Variants in CALN1 observed in about 807,000 individuals in gnomAD.
CALN1 encodes the protein calcium-binding protein 8.
CALN1 carries 17 observed loss-of-function variants against 30.6 expected under a neutral mutation model. The observed-to-expected ratio is 0.56, with a 90% CI of 0.38 to 0.83. The LOEUF (loss-of-function observed/expected upper bound fraction) is 0.83, where lower values mean the gene tolerates loss of function less well. Among genes scored for constraint, CALN1 ranks in the 40% least tolerant of loss-of-function variants. The probability of loss-of-function intolerance (pLI) is 0.00; values close to 1 mark genes in which losing one functional copy is unlikely to be tolerated. For synonymous variants in CALN1, 156 were observed against 131.4 expected (o/e 1.19, Z -1.28); for missense variants, 291 against 354.9 (o/e 0.82, Z 1.45).
At chr7:72,079,075 G>A (rs887472678) in intron 4 of CALN1, among the ~76,000 whole-genome samples, 2 of 152,146 alleles carry the variant, frequency 1.3e-5, no homozygotes, top group Non-Finnish European at 2.9e-5. Flanking sequence ...AGGTCCTTAC[G>A]AAATGCCAGG....
intron 5 of CALN1, among the ~76,000 whole-genome samples, chr7:71,984,218 G>C (rs1798548105): frequency 6.6e-6 from 1 of 152,094 alleles, no homozygotes; most frequent in Non-Finnish European, 1.5e-5. Context: ...AGAGAGTGAG[G>C]GGGGAACAGG....
chr7:72,072,015 C>T (rs943020008), intron 4 of CALN1, among the ~76,000 whole-genome samples: 4 of 152,062 alleles, frequency 2.6e-5, no homozygotes, highest in Non-Finnish European at 5.9e-5. Context: ...GAAAAGCAAA[C>T]AGAACATAAA....
intron 2 of CALN1, among the ~76,000 whole-genome samples, chr7:72,324,640 T>C (rs532274023): frequency 6.6e-6 from 1 of 152,000 alleles, no homozygotes; most frequent in African/African-American, 2.4e-5. Flanking sequence ...TGGAGCTCAA[T>C]GGGGTAACTT....
chr7:72,131,045 A>G (rs975140014), intron 3 of CALN1, among the ~76,000 whole-genome samples: 1 of 152,166 alleles, frequency 6.6e-6, no homozygotes, highest in African/African-American at 2.4e-5. Flanking sequence ...CTAAGCACCC[A>G]TGGGTCATCA....
At chr7:72,256,907 G>A (rs547555327) in intron 3 of CALN1, among the ~76,000 whole-genome samples, 1 of 152,176 alleles carries the variant, frequency 6.6e-6, no homozygotes, top group Non-Finnish European at 1.5e-5. Flanking sequence ...ACCCTGCCAT[G>A]TGCCAGGCAC....
chr7:72,203,784 C>G (rs10238178), intron 3 of CALN1, among the ~76,000 whole-genome samples: 10 of 152,178 alleles, frequency 6.6e-5, no homozygotes, highest in Non-Finnish European at 8.8e-5. Flanking sequence ...AATTTGAGGT[C>G]TGAATTTTCT....
At chr7:72,123,396 C>A (rs1360031280) in intron 3 of CALN1, among the ~76,000 whole-genome samples, 1 of 152,144 alleles carries the variant, frequency 6.6e-6, no homozygotes, top group Admixed American at 6.6e-5. Context: ...AACAAGAACT[C>A]CTCTTCTGTT....
chr7:72,273,017 T>C (rs112060645), intron 3 of CALN1, among the ~76,000 whole-genome samples: 17 of 150,936 alleles, frequency 1.1e-4, no homozygotes, highest in East Asian at 2.0e-4. Context: ...TTCTGTGGCA[T>C]AGGGCGCAAA....
At chr7:72,462,935 C>A in the CALN1 span, among the ~76,000 whole-genome samples, 1 of 152,184 alleles carries the variant, frequency 6.6e-6, no homozygotes, top group Non-Finnish European at 1.5e-5. Flanking sequence ...CTGCTCAAGT[C>A]CCACATCTTC....
chr7:72,443,156 CAA>C (rs1009468423), intron 1 of CALN1, among the ~76,000 whole-genome samples: 1 of 152,232 alleles, frequency 6.6e-6, no homozygotes, highest in Non-Finnish European at 1.5e-5. Flanking sequence ...GTATTTCTCT[CAA>C]GAGCGTGTGT....
intron 4 of CALN1, among the ~76,000 whole-genome samples, chr7:72,099,036 A>C (rs1806450735): frequency 6.6e-6 from 1 of 152,216 alleles, no homozygotes; most frequent in Non-Finnish European, 1.5e-5. Context: ...TTGCACAGAC[A>C]AACCCAGGCG....
chr7:72,184,760 G>A (rs1442240913), intron 3 of CALN1, among the ~76,000 whole-genome samples: 1 of 151,966 alleles, frequency 6.6e-6, no homozygotes, highest in Non-Finnish European at 1.5e-5. Flanking sequence ...TACTTAGGGA[G>A]GAATCAGCCC....
At chr7:72,055,531 A>C (rs939732399) in intron 4 of CALN1, among the ~76,000 whole-genome samples, 2 of 152,194 alleles carry the variant, frequency 1.3e-5, no homozygotes, top group African/African-American at 4.8e-5. Flanking sequence ...TGAGAAAACT[A>C]TAAAACATAT....
chr7:72,320,972 G>A (rs546760457), intron 2 of CALN1, among the ~76,000 whole-genome samples: 1 of 152,006 alleles, frequency 6.6e-6, no homozygotes, highest in East Asian at 1.9e-4. Flanking sequence ...ACTTCTCTGG[G>A]GTTAGGTGCC....
chr7:72,488,975 C>T, the CALN1 span, among the ~76,000 whole-genome samples: 1 of 152,132 alleles, frequency 6.6e-6, no homozygotes, highest in African/African-American at 2.4e-5. Context: ...ATAGGAGAGC[C>T]TACAGACTCC....
At position 71,881,031 on chromosome 7, in the gene CALN1, C is replaced by T. The variant is rs73185037; in HGVS notation, c.502-70539G>A. ...ACCATCTAATCAGCTACCTGCACAGCCAGAATAAAGCAGGCAGAAGGACAT... is the reference window on the plus strand; with the variant it reads ...ACCATCTAATCAGCTACCTGCACAGTCAGAATAAAGCAGGCAGAAGGACAT... On this transcript the variant is annotated intron_variant, in intron 5 of 6. Coordinates refer to ENST00000395275, the MANE Select transcript of CALN1 (RefSeq NM_031468.4). 4.0e-3 allele frequency among the ~76,000 whole-genome samples: 612 copies of T among 152,324 alleles called. 4 individuals are homozygous for T. Among genetic ancestry groups the T allele is most frequent in the Non-Finnish European group, 6.7e-3 (458 of 68,038 alleles).
intron 2 of CALN1, among the ~76,000 whole-genome samples, chr7:72,332,079 T>G (rs1481386949): frequency 6.6e-6 from 1 of 152,120 alleles, no homozygotes; most frequent in Non-Finnish European, 1.5e-5. Flanking sequence ...ATGTACCACG[T>G]TTTCTTTATC....
At chr7:72,434,823 A>C (rs1314904258) in intron 1 of CALN1, among the ~76,000 whole-genome samples, 1 of 152,246 alleles carries the variant, frequency 6.6e-6, no homozygotes, top group Non-Finnish European at 1.5e-5. Flanking sequence ...GCATTTCTGC[A>C]CTTCATGCGA....
chr7:72,313,987 G>A (rs11971387), intron 2 of CALN1, among the ~76,000 whole-genome samples: 28,404 of 152,120 alleles, frequency 0.19, 3,705 homozygotes, highest in East Asian at 0.41. Context: ...AGGGCAGACA[G>A]ACAGAGCCCC....
Sources: gnomAD v4.1 joint callset for allele counts (sites outside exome capture counted in the v4.1 genomes callset) on GRCh38, gnomAD v4.1.1 for gene constraint, MANE v1.5 for transcripts, NCBI Gene and HGNC (gene_info 2026-07-23, HGNC 2026-07-21) for gene names.